KATNAL2: variants seen among roughly 807,000 people sequenced by gnomAD.
The protein encoded by KATNAL2 is katanin p60 ATPase-containing subunit A-like 2.
In KATNAL2, 52 loss-of-function variants were observed where a neutral mutation model predicts 76.3. The ratio of observed to expected loss-of-function variants is 0.68; its 90% CI spans 0.55 to 0.86. The LOEUF (loss-of-function observed/expected upper bound fraction) is 0.86, where lower values mean the gene tolerates loss of function less well. Ranked by LOEUF, KATNAL2 falls within the 40% of genes least tolerant of loss-of-function variation. KATNAL2 has a pLI of 0.00. For missense variants in KATNAL2, 660 were observed against 668.9 expected, an observed-to-expected ratio of 0.99 and a Z score of 0.15; for synonymous variants, 243 against 244.2, an observed-to-expected ratio of 1.00 and a Z score of 0.05.
At chr18:46,927,855 C>G (rs1372444269) in intron 1 of KATNAL2, among the ~76,000 whole-genome samples, 1 of 152,108 alleles carries the variant, frequency 6.6e-6, no homozygotes, top group Non-Finnish European at 1.5e-5. Flanking sequence ...TCACTGATAC[C>G]CTTTCTTCCA....
intron 13 of KATNAL2, among the ~76,000 whole-genome samples, chr18:47,071,953 C>CTTCTTTTTT (rs2062020721): frequency 6.8e-5 from 3 of 43,950 alleles, no homozygotes; most frequent in African/African-American, 1.2e-4. Flanking sequence ...CCAATTTCTT[C>CTTCTTTTTT]TTTTTTTTTT....
At chr18:47,049,344 G>A (rs1199915771) in intron 4 of KATNAL2, among the ~76,000 whole-genome samples, 2 of 152,178 alleles carry the variant, frequency 1.3e-5, no homozygotes, top group Non-Finnish European at 2.9e-5. Flanking sequence ...TAGGATTTGG[G>A]TTTTATTCTC....
At chr18:47,094,650 A>G (rs2063150542) in intron 15 of KATNAL2, among the ~76,000 whole-genome samples, 1 of 151,810 alleles carries the variant, frequency 6.6e-6, no homozygotes. Flanking sequence ...GTGTTGGGGA[A>G]CTCCCAATAT....
At chr18:47,099,905 G>T (rs2063397562) in intron 16 of KATNAL2, among the ~76,000 whole-genome samples, 1 of 152,152 alleles carries the variant, frequency 6.6e-6, no homozygotes. Context: ...CTAAATGGCA[G>T]GTATGATCTT....
At chr18:47,038,801 T>C (rs2060865259) in intron 3 of KATNAL2, among the ~76,000 whole-genome samples, 1 of 152,202 alleles carries the variant, frequency 6.6e-6, no homozygotes, top group East Asian at 1.9e-4. Context: ...TTCTTCAACT[T>C]GTATATATAT....
chr18:46,935,509 G>A (rs540984096), intron 1 of KATNAL2, among the ~76,000 whole-genome samples: 33 of 152,212 alleles, frequency 2.2e-4, no homozygotes, highest in South Asian at 2.1e-3. Context: ...GGCTGGACTC[G>A]AACTCCTGAG....
At chr18:47,043,820 CAA>C (rs10579981) in intron 3 of KATNAL2, among the ~76,000 whole-genome samples, 66,355 of 144,612 alleles carry the variant, frequency 0.46, 15,831 homozygotes, top group Admixed American at 0.56. Context: ...TTATTCATTT[CAA>C]AAAAAAAAAA....
chr18:47,092,267 G>A (rs1452862387), intron 15 of KATNAL2, among the ~76,000 whole-genome samples: 1 of 152,206 alleles, frequency 6.6e-6, no homozygotes, highest in Admixed American at 6.5e-5. Context: ...GGGAGGCTGA[G>A]GCAAGCAGAT....
intron 15 of KATNAL2, among the ~76,000 whole-genome samples, chr18:47,096,670 A>G (rs1402775244): frequency 6.6e-6 from 1 of 152,198 alleles, no homozygotes; most frequent in Middle Eastern, 3.2e-3. Flanking sequence ...GGAATTTCCT[A>G]ATTTCTATCC....
At chr18:47,099,011 TCTC>T (rs2063364224) in intron 15 of KATNAL2, 1 of 391,022 alleles carries the variant, frequency 2.6e-6, no homozygotes, top group East Asian at 4.0e-5. Context: ...TTCTCTTTCT[TCTC>T]CTTCCTTTCT....
intron 3 of KATNAL2, among the ~76,000 whole-genome samples, chr18:46,952,878 G>T: frequency 2.2e-4 from 26 of 118,630 alleles, no homozygotes; most frequent in Admixed American, 4.6e-4. Context: ...CTCCCTCCCT[G>T]CTTCCTTCCT....
At chr18:47,053,109 A>G in intron 5 of KATNAL2, 63 bp downstream of exon 5, 1 of 1,374,150 alleles carries the variant, frequency 7.3e-7, no homozygotes, top group Non-Finnish European at 9.9e-7. Flanking sequence ...TTTCTTTCTC[A>G]TCTTATTCCC....
At chr18:47,077,090 TTTAG>T (rs1389320065) in intron 14 of KATNAL2, among the ~76,000 whole-genome samples, 3 of 152,184 alleles carry the variant, frequency 2.0e-5, no homozygotes, top group African/African-American at 7.2e-5. Flanking sequence ...CTGTGGACCC[TTTAG>T]TTATTTTCTC....
At position 47,101,041 on chromosome 18, in the gene KATNAL2, C is replaced by A; in HGVS notation, c.*36C>A. On this transcript the variant is annotated 3_prime_UTR_variant, in exon 18 of 18. Transcript: ENST00000683218. ...ACCCTGACCTGGCCACAAAGGCAAC[C>A]ACAAAGACCTCCTAGTTTATTAATG... is the stretch of plus-strand genomic sequence containing the variant. 3.7e-6 allele frequency: 6 copies of A among 1,609,470 alleles called. No homozygotes were observed. The highest frequency in any genetic ancestry group is 5.1e-6 in the Non-Finnish European group (6 of 1,176,650).
chr18:46,962,084 T>C (rs1040239452), intron 3 of KATNAL2, among the ~76,000 whole-genome samples: 4 of 152,118 alleles, frequency 2.6e-5, no homozygotes, highest in African/African-American at 7.2e-5. Flanking sequence ...CTGGCACTAT[T>C]TTCAGCCACT....
At chr18:46,949,449 G>A (rs2146686576) in intron 3 of KATNAL2, among the ~76,000 whole-genome samples, 1 of 152,252 alleles carries the variant, frequency 6.6e-6, no homozygotes, top group South Asian at 2.1e-4. Flanking sequence ...GTTTCACCAT[G>A]TTGCCTGGGC....
chr18:47,089,332 T>A (rs1490241876), intron 15 of KATNAL2, among the ~76,000 whole-genome samples: 1 of 152,228 alleles, frequency 6.6e-6, no homozygotes, highest in Non-Finnish European at 1.5e-5. Flanking sequence ...CTAGTTTATC[T>A]TTTTGCTGGA....
intron 4 of KATNAL2, among the ~76,000 whole-genome samples, chr18:47,052,451 G>C (rs948626809): frequency 3.3e-5 from 5 of 152,176 alleles, no homozygotes; most frequent in African/African-American, 1.2e-4. Flanking sequence ...GGCAAATTTG[G>C]GTTGAATTTG....
At chr18:47,042,044 AT>A (rs377658862) in intron 3 of KATNAL2, among the ~76,000 whole-genome samples, 10 of 147,794 alleles carry the variant, frequency 6.8e-5, no homozygotes, top group South Asian at 2.1e-4. Flanking sequence ...TTTTAAGTGG[AT>A]TTTTTTTTTA....
Sources: allele counts gnomAD v4.1 joint callset (sites outside exome capture counted in the v4.1 genomes callset), GRCh38; gene constraint gnomAD v4.1.1; transcripts MANE v1.5; gene names NCBI Gene and HGNC (gene_info 2026-07-23, HGNC 2026-07-21).